The following TTC39C variants were observed in gnomAD, a reference collection of about 807,000 sequenced individuals.
TTC39C encodes the protein tetratricopeptide repeat protein 39C.
Under a neutral mutation model 76.3 loss-of-function variants are expected in TTC39C, and 33 were observed. The observed-to-expected ratio is 0.43, with a 90% CI of 0.33 to 0.58. The LOEUF is 0.58. TTC39C is among the 20% of genes least tolerant of loss of function. The probability of loss-of-function intolerance (pLI) is 0.04; values close to 1 mark genes in which losing one functional copy is unlikely to be tolerated. For missense variants in TTC39C, 595 were observed against 701.4 expected (o/e 0.85, Z 1.71); for synonymous variants, 254 against 260.6 (o/e 0.97, Z 0.24).
intron 13 of TTC39C, 69 bp from the exon 14 acceptor site, chr18:24,132,416 C>CT: frequency 7.2e-7 from 1 of 1,397,808 alleles, no homozygotes; most frequent in South Asian, 1.2e-5. Flanking sequence ...ATTGAGTGTG[C>CT]TTTATACCAC....
At chr18:24,113,469 T>C in intron 6 of TTC39C, 3 of 650,256 alleles carry the variant, frequency 4.6e-6, no homozygotes, top group Non-Finnish European at 8.3e-6. Flanking sequence ...AATGGGCACT[T>C]GGGAGCATTG....
chr18:24,011,895 T>A (rs939896535), upstream of TTC39C, among the ~76,000 whole-genome samples: 2 of 152,200 alleles, frequency 1.3e-5, no homozygotes, highest in Non-Finnish European at 2.9e-5. Flanking sequence ...GAAGACTGCA[T>A]TAGTTTTGCA....
rs756052682 is a variant in TTC39C at position 24,069,106 on chromosome 18, TGTC to T, written c.346-48_346-46del. 7.9e-6 allele frequency: 11 copies of T among 1,385,670 alleles called. 1 individual carries two copies. The South Asian group carries it at 1.3e-4, about 16-fold the overall frequency. The allele number at this position is 1,385,670 out of a possible 1,614,324, so 85.8% of individuals were successfully genotyped here. ...ATAACCTGATACTGTTTGGGGGAAC[TGTC>T]GTTGTTATGTGTGATTTATCAGTGT... is the stretch of plus-strand genomic sequence containing the variant. On this transcript the variant is annotated intron_variant, in intron 3 of 13. Coordinates refer to ENST00000317571, the MANE Select transcript of TTC39C (RefSeq NM_001135993.2).
chr18:24,044,871 ACT>A (rs2083843999), intron 1 of TTC39C, among the ~76,000 whole-genome samples: 1 of 152,100 alleles, frequency 6.6e-6, no homozygotes. Context: ...AACTTACCTA[ACT>A]TGTTTAGAAA....
At chr18:24,004,031 G>A (rs1233617270) in intron 1 of TTC39C, among the ~76,000 whole-genome samples, 1 of 152,162 alleles carries the variant, frequency 6.6e-6, no homozygotes, top group Non-Finnish European at 1.5e-5. Flanking sequence ...GATTACAGGG[G>A]TGAGCCACCA....
chr18:24,129,869 G>T (rs1218204639), intron 11 of TTC39C, among the ~76,000 whole-genome samples: 1 of 151,544 alleles, frequency 6.6e-6, no homozygotes, highest in Non-Finnish European at 1.5e-5. Context: ...TAATCTTTCA[G>T]TATGGGCTTA....
chr18:24,064,739 CTA>C (rs1403162696), intron 2 of TTC39C, among the ~76,000 whole-genome samples: 1 of 151,790 alleles, frequency 6.6e-6, no homozygotes, highest in Non-Finnish European at 1.5e-5. Flanking sequence ...TTTTAAAAGA[CTA>C]TTAATGAATT....
At chr18:24,033,471 C>T (rs2083697495) in intron 1 of TTC39C, among the ~76,000 whole-genome samples, 1 of 152,176 alleles carries the variant, frequency 6.6e-6, no homozygotes, top group Non-Finnish European at 1.5e-5. Flanking sequence ...CCTTCAACCT[C>T]AACTCCACCT....
At chr18:24,082,165 T>A (rs1457485123) in intron 5 of TTC39C, among the ~76,000 whole-genome samples, 1 of 151,884 alleles carries the variant, frequency 6.6e-6, no homozygotes, top group African/African-American at 2.4e-5. Flanking sequence ...GGATTACAAA[T>A]CCCAGTGACT....
intron 4 of TTC39C, among the ~76,000 whole-genome samples, chr18:24,073,689 A>T (rs1047242866): frequency 1.3e-5 from 2 of 151,964 alleles, no homozygotes; most frequent in African/African-American, 2.4e-5. Flanking sequence ...CTAATTTTTT[A>T]AAAATTTTTT....
intron 1 of TTC39C, among the ~76,000 whole-genome samples, 176 bp from the exon 2 acceptor site, chr18:24,063,964 A>G (rs1376890870): frequency 6.6e-6 from 1 of 152,142 alleles, no homozygotes; most frequent in Non-Finnish European, 1.5e-5. Context: ...AGAGCCATAA[A>G]CCACCTTGCC....
At chr18:24,044,015 T>C (rs1188032649) in intron 1 of TTC39C, among the ~76,000 whole-genome samples, 1 of 151,902 alleles carries the variant, frequency 6.6e-6, no homozygotes, top group African/African-American at 2.4e-5. Context: ...ACTTCTCTTC[T>C]ATAATGGCAG....
At chr18:24,029,099 G>A (rs143268153) in intron 1 of TTC39C, among the ~76,000 whole-genome samples, 7 of 49,514 alleles carry the variant, frequency 1.4e-4, no homozygotes, top group Admixed American at 2.8e-4. Context: ...TGGTGTTGTT[G>A]TTGTTGTTGT....
At chr18:24,068,878 T>G (rs531155517) in intron 3 of TTC39C, among the ~76,000 whole-genome samples, 3 of 152,354 alleles carry the variant, frequency 2.0e-5, no homozygotes, top group Non-Finnish European at 4.4e-5. Context: ...AAGGTGAAAC[T>G]CCGAGGTTTT....
At chr18:24,063,958 C>T (rs1392942673) in intron 1 of TTC39C, among the ~76,000 whole-genome samples, 182 bp from the exon 2 acceptor site, 1 of 152,126 alleles carries the variant, frequency 6.6e-6, no homozygotes, top group Non-Finnish European at 1.5e-5. Context: ...GCAGATAGAG[C>T]CATAAACCAC....
intron 1 of TTC39C, chr18:24,022,508 G>C (rs1046670627): frequency 1.0e-6 from 1 of 961,614 alleles, no homozygotes; most frequent in African/African-American, 1.8e-5. Flanking sequence ...CCAGAGTCTG[G>C]GTGTGACCAT....
intron 1 of TTC39C, among the ~76,000 whole-genome samples, chr18:24,038,589 G>T (rs1461080869): frequency 6.6e-6 from 1 of 152,160 alleles, no homozygotes; most frequent in Non-Finnish European, 1.5e-5. Flanking sequence ...GGCCCACACA[G>T]CATATAATTT....
chr18:23,997,593 AGAGGGAAG>A (rs1280614430), intron 1 of TTC39C, among the ~76,000 whole-genome samples: 2 of 146,324 alleles, frequency 1.4e-5, no homozygotes, highest in African/African-American at 5.0e-5. Context: ...AAAGAAAGAA[AGAGGGAAG>A]GAGGGAGGGA....
At position 24,082,991 on chromosome 18, in the gene TTC39C, T is replaced by A; in HGVS notation, c.894T>A (p.Asp298Glu). ...GCAGTGATAACAAGGCAGGCCTGGA[T>A]GAAGCTAAGGAAATTCTCCTTAAAA... is the stretch of plus-strand genomic sequence containing the variant. ...LDGSDNKAGL[D>E]EAKEILLKKE... The change falls in exon 6 of 14, where the codon GAT becomes GAA. Residue 298 changes from aspartate to glutamate, a missense_variant. Asp to Glu is a conservative substitution (Grantham distance 45). Transcript: ENST00000317571. 6.2e-7 allele frequency: 1 copy of A among 1,614,192 alleles called. No homozygotes were observed. Among genetic ancestry groups the A allele is most frequent in the Non-Finnish European group, 8.5e-7 (1 of 1,180,010 alleles).
Sources: allele counts gnomAD v4.1 joint callset (sites outside exome capture counted in the v4.1 genomes callset), GRCh38; gene constraint gnomAD v4.1.1; transcripts MANE v1.5; gene names NCBI Gene and HGNC (gene_info 2026-07-23, HGNC 2026-07-21).